Variants in ZFC3H1 observed in about 807,000 individuals in gnomAD.
The protein encoded by ZFC3H1 is zinc finger C3H1-type containing.
A neutral mutation model predicts 243.7 loss-of-function variants in ZFC3H1; 71 were observed. The ratio of observed to expected loss-of-function variants is 0.29; its 90% CI spans 0.24 to 0.36. The LOEUF is 0.36. Among genes scored for constraint, ZFC3H1 ranks in the 10% least tolerant of loss-of-function variants. The pLI is 1.00. For synonymous variants in ZFC3H1, 838 were observed against 813.0 expected, an observed-to-expected ratio of 1.03 and a Z score of -0.52; for missense variants, 1,966 against 2,317.1, an observed-to-expected ratio of 0.85 and a Z score of 3.11.
intron 22 of ZFC3H1, 47 bp downstream of exon 22, chr12:71,626,213 C>CAT (rs879016645): frequency 6.5e-7 from 1 of 1,527,948 alleles, no homozygotes; most frequent in South Asian, 1.2e-5. Flanking sequence ...TAATTATACA[C>CAT]ACACACACAC....
At chr12:71,660,623 C>T (rs928633377) in intron 1 of ZFC3H1, among the ~76,000 whole-genome samples, 1 of 151,586 alleles carries the variant, frequency 6.6e-6, no homozygotes, top group Non-Finnish European at 1.5e-5. Flanking sequence ...TGAATAAACA[C>T]GCAGAAAGAG....
rs75830095 is a variant in ZFC3H1, at chr12:71,659,139, T to C, written c.599-1838A>G. Among the ~76,000 whole-genome samples the C allele has an allele frequency of 1.3e-3, 195 of 152,286 alleles. 1 individual carries two copies. The East Asian group carries it at 0.027, about 21-fold the overall frequency. On this transcript the variant is annotated intron_variant, in intron 1 of 34. Coordinates refer to ENST00000378743, the MANE Select transcript of ZFC3H1 (RefSeq NM_144982.5). ...GGAGCACTACTTAGCCTCTTTCTCA[T>C]TTTGAGCATTCTAATGCACCTCCAC...
At chr12:71,637,950 T>C (rs1320312125) in intron 7 of ZFC3H1, among the ~76,000 whole-genome samples, 1 of 151,950 alleles carries the variant, frequency 6.6e-6, no homozygotes, top group Non-Finnish European at 1.5e-5. Flanking sequence ...GGACTGGAGA[T>C]GGGGGGGAAA....
intron 27 of ZFC3H1, among the ~76,000 whole-genome samples, chr12:71,615,714 C>T (rs1376047336): frequency 1.3e-5 from 2 of 152,040 alleles, no homozygotes; most frequent in Non-Finnish European, 2.9e-5. Context: ...GATGGTGTTT[C>T]ACCATGTTGG....
At position 71,663,807 on chromosome 12, in the gene ZFC3H1, C is replaced by T. The variant is rs944816568; in HGVS notation, c.-197G>A. ...CTCGCCGGACCGTCGCAACCCAGTT[C>T]CCTTTCCTAGCGCCCCCTTGCTCCT... On this transcript the variant is annotated 5_prime_UTR_variant, in exon 1 of 35. Transcript: ENST00000378743. 56 of 626,464 alleles carry T rather than the reference C, an allele frequency of 8.9e-5. No homozygotes were observed. The highest frequency in any genetic ancestry group is 1.3e-4 in the Non-Finnish European group (47 of 365,350). 38.8% of individuals were successfully genotyped at this position (626,464 alleles called of 1,614,324 possible).
chr12:71,628,800 TA>T (rs202092536), intron 20 of ZFC3H1, 117 bp downstream of exon 20: 11 of 1,164,754 alleles, frequency 9.4e-6, no homozygotes, highest in Admixed American at 3.3e-5. Flanking sequence ...GCATCGTTTT[TA>T]AAAAAAATTT....
chr12:71,661,322 A>G (rs946776157), intron 1 of ZFC3H1, among the ~76,000 whole-genome samples: 12 of 151,990 alleles, frequency 7.9e-5, no homozygotes, highest in Non-Finnish European at 7.4e-5. Context: ...ATAAATAAAT[A>G]AAAACCATAC....
chr12:71,618,260 G>A (rs185950126), intron 27 of ZFC3H1, among the ~76,000 whole-genome samples: 112 of 149,928 alleles, frequency 7.5e-4, no homozygotes, highest in South Asian at 2.1e-4. Flanking sequence ...GCAAGATTCC[G>A]TTCTCTTAAA....
chr12:71,626,871 G>A (rs376679735), intron 21 of ZFC3H1, among the ~76,000 whole-genome samples: 2 of 152,288 alleles, frequency 1.3e-5, no homozygotes, highest in African/African-American at 2.4e-5. Context: ...CTTTTCAACG[G>A]TCAAGGGCTT....
intron 5 of ZFC3H1, among the ~76,000 whole-genome samples, chr12:71,643,182 C>T (rs1439184858): frequency 6.6e-6 from 1 of 151,618 alleles, no homozygotes; most frequent in East Asian, 1.9e-4. Flanking sequence ...ATTGGCCTGG[C>T]GCGGTGGCTC....
chr12:71,663,300 T>TAGCTGCTGGGTCCCC lies in ZFC3H1; in HGVS notation c.296_310dup (p.Ser103_Tyr104insTrpGlyProSerSer), dbSNP rs1565835362. 1.4e-5 allele frequency: 22 copies of TAGCTGCTGGGTCCCC among 1,613,276 alleles called. No individual in the cohort carries two copies. Among genetic ancestry groups the TAGCTGCTGGGTCCCC allele is most frequent in the Middle Eastern group, 1.6e-4 (1 of 6,084 alleles). On this transcript the variant is annotated inframe_insertion, in exon 1 of 35. Coordinates refer to ENST00000378743, the MANE Select transcript of ZFC3H1 (RefSeq NM_144982.5). Reference sequence around the variant, plus strand: ...AGACCGGAACGGTTCTTTGGGTCGGTAGCTGCTGGGTCCCCTGAGGTGGCC... The same window carrying TAGCTGCTGGGTCCCC: ...AGACCGGAACGGTTCTTTGGGTCGGTAGCTGCTGGGTCCCCAGCTGCTGGGTCCCCTGAGGTGGCC...
Position 71,619,950 on chromosome 12 carries a change from A to G in ZFC3H1, c.5025T>C (p.His1675=). The G allele has an allele frequency of 6.3e-7, 1 of 1,592,974 alleles. No individual in the cohort carries two copies. The highest frequency in any genetic ancestry group is 8.6e-7 in the Non-Finnish European group (1 of 1,167,538). Residue 1675 remains histidine, a synonymous_variant, in exon 26 of 35, where the codon CAT becomes CAC. Transcript: ENST00000378743. The part of the protein sequence containing the change: ...KNPQNAEVFY[H]MCKFFILQNR... ...CCTGTAAGATGAAGAATTTGCACATATGATAAAAAACCTCTGCATTCTGAG... is the reference window on the plus strand; with the variant it reads ...CCTGTAAGATGAAGAATTTGCACATGTGATAAAAAACCTCTGCATTCTGAG...
intron 31 of ZFC3H1, among the ~76,000 whole-genome samples, chr12:71,612,771 A>G (rs369205396): frequency 3.9e-5 from 6 of 152,212 alleles, no homozygotes; most frequent in African/African-American, 7.2e-5. Context: ...ATTAAAAAGC[A>G]TAATTCTTGC....
At chr12:71,656,110 G>A (rs978491473) in intron 2 of ZFC3H1, among the ~76,000 whole-genome samples, 1 of 152,136 alleles carries the variant, frequency 6.6e-6, no homozygotes, top group Admixed American at 6.5e-5. Context: ...TGGTTACCAG[G>A]TGAACTAAGG....
chr12:71,656,802 C>T, intron 2 of ZFC3H1, 83 bp downstream of exon 2: 1 of 1,347,258 alleles, frequency 7.4e-7, no homozygotes, highest in Non-Finnish European at 1.0e-6. Context: ...ACAATCATTT[C>T]AATGAAGTAC....
chr12:71,648,077 T>C (rs540645270), intron 2 of ZFC3H1, among the ~76,000 whole-genome samples: 7 of 152,304 alleles, frequency 4.6e-5, no homozygotes, highest in African/African-American at 1.7e-4. Context: ...ACTTCTGAAC[T>C]AGAAATAGTC....
In ZFC3H1 at chr12:71,624,222, C is replaced by T. The variant is rs1880101856; in HGVS notation, c.4388G>A (p.Gly1463Glu). ...ATTGGATGTTTCCTGCTTGGCTGCT[C>T]CCATCAGAAACTCCAACATTCTCTC... is the stretch of plus-strand genomic sequence containing the variant. Reference protein sequence around the residue: ...VCERMLEFLMGAAKQETSNIL... With the variant: ...VCERMLEFLMEAAKQETSNIL... Residue 1463 changes from glycine to glutamate, a missense_variant, in exon 23 of 35, where the codon GGA becomes GAA. Physicochemically the swap from Gly to Glu is moderately conservative, Grantham distance 98. Around this residue, in one of 4 missense-constraint regions of ZFC3H1, gnomAD observed 1,383 missense variants for 1,723.7 expected, o/e 0.80. Transcript: ENST00000378743. 1 of 1,613,938 alleles carries T rather than the reference C, an allele frequency of 6.2e-7. No homozygotes were observed. Among genetic ancestry groups the T allele is most frequent in the African/African-American group, 1.3e-5 (1 of 74,940 alleles).
intron 1 of ZFC3H1, among the ~76,000 whole-genome samples, chr12:71,661,301 AAAATAAAT>A (rs954320263): frequency 1.3e-5 from 2 of 151,804 alleles, no homozygotes; most frequent in South Asian, 2.1e-4. Context: ...CTCTGTCTCA[AAAATAAAT>A]AAATAAATAA....
chr12:71,623,980 TGG>T, intron 23 of ZFC3H1, 122 bp downstream of exon 23: 1 of 1,013,060 alleles, frequency 9.9e-7, no homozygotes, highest in Non-Finnish European at 1.4e-6. Context: ...TACTAGTAAG[TGG>T]AAAAACAAGG....
Sources: gnomAD v4.1 joint callset for allele counts (sites outside exome capture counted in the v4.1 genomes callset) on GRCh38, gnomAD v4.1.1 for gene constraint, gnomAD v4.1.1 regional missense constraint, MANE v1.5 for transcripts, NCBI Gene and HGNC (gene_info 2026-07-23, HGNC 2026-07-21) for gene names.